The following TRIP4 variants were observed in gnomAD, a reference collection of about 807,000 sequenced individuals.
TRIP4 encodes the protein thyroid hormone receptor interactor 4.
TRIP4 carries 54 observed loss-of-function variants against 81.8 expected under a neutral mutation model. The observed-to-expected ratio is 0.66, with a 90% confidence interval of 0.53 to 0.83. TRIP4 has a LOEUF of 0.83. TRIP4 is among the 40% of genes least tolerant of loss of function. The pLI is 0.00. For synonymous variants in TRIP4, 270 were observed against 242.8 expected (o/e 1.11, Z -1.04); for missense variants, 662 against 683.6 (o/e 0.97, Z 0.35).
intron 5 of TRIP4, 86 bp downstream of exon 5, chr15:64,400,907 T>C: frequency 1.8e-6 from 2 of 1,091,834 alleles, no homozygotes; most frequent in Non-Finnish European, 2.7e-6. Flanking sequence ...TATCCTGGAG[T>C]GCAAGATGCA....
chr15:64,399,600 C>G lies in TRIP4; in HGVS notation c.619-1143C>G, dbSNP rs181054816. Among the ~76,000 whole-genome samples, 4 of 152,218 alleles carry G rather than the reference C, an allele frequency of 2.6e-5. No individual in the cohort carries two copies. In the East Asian group the frequency reaches 7.8e-4, roughly 30 times the overall value. ...AACTTCCGCCTCCTGGGTTCAAGTT[C>G]AAGTGATTCTCCTGCCTTAGCCTCT... On this transcript the variant is annotated intron_variant, in intron 4 of 12. Transcript: ENST00000261884.
At chr15:64,422,088 A>G (rs980410957) in intron 9 of TRIP4, among the ~76,000 whole-genome samples, 2 of 152,044 alleles carry the variant, frequency 1.3e-5, no homozygotes, top group Admixed American at 6.6e-5. Context: ...AGGTTATACT[A>G]TCTAGGTTTG....
chr15:64,399,479 A>G (rs1891435954), intron 4 of TRIP4, among the ~76,000 whole-genome samples: 1 of 151,952 alleles, frequency 6.6e-6, no homozygotes, highest in Non-Finnish European at 1.5e-5. Flanking sequence ...CCTTGAAGTA[A>G]TGTAAAGCAG....
In TRIP4 at chr15:64,387,858, G is replaced by T; in HGVS notation, c.-6G>T. 2 of 1,544,240 alleles carry T rather than the reference G, an allele frequency of 1.3e-6. No homozygotes were observed. Among genetic ancestry groups the T allele is most frequent in the Non-Finnish European group, 1.7e-6 (2 of 1,146,554 alleles). On this transcript the variant is annotated 5_prime_UTR_variant, in exon 1 of 13. Transcript: ENST00000261884. ...TTTGCAGCTCAGCTGGTTCCGGCTG[G>T]GGAAGATGGCGGTGGCTGGGGCGGT...
intron 6 of TRIP4, among the ~76,000 whole-genome samples, chr15:64,407,242 T>A (rs1250733472): frequency 6.6e-6 from 1 of 152,228 alleles, no homozygotes; most frequent in Non-Finnish European, 1.5e-5. Flanking sequence ...CCAAACCATT[T>A]GCTATGAATA....
chr15:64,414,307 A>G lies in TRIP4; in HGVS notation c.1170+96A>G, dbSNP rs561819133. On this transcript the variant is annotated intron_variant, in intron 8 of 12. Coordinates refer to ENST00000261884, the MANE Select transcript of TRIP4 (RefSeq NM_016213.5). ...ATTTCATAGACTTCAGATACCAATC[A>G]GCTCTCTCAATACACCTGTACCAAT... 8.1e-5 allele frequency: 123 copies of G among 1,513,368 alleles called. No homozygotes were observed. The East Asian group carries it at 2.7e-3, about 33-fold the overall frequency. The allele number at this position is 1,513,368 out of a possible 1,614,324, so 93.7% of individuals were successfully genotyped here.
intron 9 of TRIP4, among the ~76,000 whole-genome samples, chr15:64,419,472 C>T (rs1212089135): frequency 6.6e-6 from 1 of 151,898 alleles, no homozygotes; most frequent in African/African-American, 2.4e-5. Context: ...CATTCTCCTG[C>T]CTCAGCCTCC....
chr15:64,418,902 AAATT>A (rs1371824448), intron 9 of TRIP4, among the ~76,000 whole-genome samples, 174 bp downstream of exon 9: 7 of 152,206 alleles, frequency 4.6e-5, no homozygotes, highest in Admixed American at 2.0e-4. Context: ...GTATATTTTA[AAATT>A]AATTTCAAAA....
At chr15:64,398,524 C>T (rs1315891560) in intron 4 of TRIP4, among the ~76,000 whole-genome samples, 1 of 151,006 alleles carries the variant, frequency 6.6e-6, no homozygotes, top group African/African-American at 2.4e-5. Flanking sequence ...GAAATGGGAG[C>T]TTCACTTGAT....
chr15:64,411,059 T>C (rs1566976363), intron 7 of TRIP4, among the ~76,000 whole-genome samples: 4 of 152,000 alleles, frequency 2.6e-5, no homozygotes, highest in African/African-American at 9.7e-5. Flanking sequence ...TATAGGAAAA[T>C]GGGGATATTC....
intron 12 of TRIP4, among the ~76,000 whole-genome samples, chr15:64,447,542 G>T (rs534284408): frequency 6.6e-6 from 1 of 152,172 alleles, no homozygotes; most frequent in Non-Finnish European, 1.5e-5. Flanking sequence ...TTATATTAAT[G>T]TATATTTACT....
rs116628075 is a variant in TRIP4 at position 64,392,306 on chromosome 15, A to C, written c.102-1640A>C. Among the ~76,000 whole-genome samples the C allele has an allele frequency of 3.2e-3, 489 of 152,234 alleles. 1 individual carries two copies. Among genetic ancestry groups the C allele is most frequent in the African/African-American group, 0.011 (469 of 41,552 alleles). On this transcript the variant is annotated intron_variant, in intron 1 of 12. Coordinates refer to ENST00000261884, the MANE Select transcript of TRIP4 (RefSeq NM_016213.5). ...AAATGAGACTCTGTCTGAAAAAACA[A>C]AAAAACCCTCCAGGGTTAAATGATC...
chr15:64,397,857 G>T (rs770007092), intron 4 of TRIP4, 39 bp downstream of exon 4: 5 of 1,598,472 alleles, frequency 3.1e-6, no homozygotes, highest in Non-Finnish European at 3.4e-6. Context: ...ACTGTGCTTT[G>T]TGTTAATACG....
At chr15:64,426,267 A>G (rs1258256751) in intron 11 of TRIP4, among the ~76,000 whole-genome samples, 1 of 152,174 alleles carries the variant, frequency 6.6e-6, no homozygotes, top group African/African-American at 2.4e-5. Flanking sequence ...TATTGAACTC[A>G]TGATAGGCAA....
chr15:64,409,514 A>C, intron 6 of TRIP4, 99 bp from the exon 7 acceptor site: 1 of 1,137,574 alleles, frequency 8.8e-7, no homozygotes, highest in South Asian at 1.4e-5. Context: ...TGATTTTGGA[A>C]CATATTTGAG....
chr15:64,389,516 A>G (rs1012947880), intron 1 of TRIP4, among the ~76,000 whole-genome samples: 2 of 152,082 alleles, frequency 1.3e-5, no homozygotes, highest in Non-Finnish European at 2.9e-5. Flanking sequence ...TTTTAACACT[A>G]GAATAGACAA....
At chr15:64,396,656 G>A (rs947594740) in intron 3 of TRIP4, among the ~76,000 whole-genome samples, 9 of 152,194 alleles carry the variant, frequency 5.9e-5, no homozygotes, top group Non-Finnish European at 1.2e-4. Context: ...TTGCTACACA[G>A]AATTGTATTA....
chr15:64,432,225 G>A (rs1194639186), intron 11 of TRIP4, among the ~76,000 whole-genome samples: 2 of 151,668 alleles, frequency 1.3e-5, no homozygotes, highest in Non-Finnish European at 2.9e-5. Flanking sequence ...GAAGAGAGAT[G>A]GGAAATATTA....
chr15:64,425,476 A>G (rs1399874064), intron 10 of TRIP4, 64 bp from the exon 11 acceptor site: 1 of 1,342,254 alleles, frequency 7.5e-7, no homozygotes, highest in African/African-American at 1.5e-5. Context: ...TTGAAAACAG[A>G]TTCCTGAGTT....
Sources: gnomAD v4.1 joint callset for allele counts (sites outside exome capture counted in the v4.1 genomes callset) on GRCh38, gnomAD v4.1.1 for gene constraint, MANE v1.5 for transcripts, NCBI Gene and HGNC (gene_info 2026-07-23, HGNC 2026-07-21) for gene names.